Variants in GRAMD4 observed in about 807,000 individuals in gnomAD.
GRAMD4 encodes GRAM domain-containing protein 4.
Under a neutral mutation model 83.9 loss-of-function variants are expected in GRAMD4, and 25 were observed. The ratio of observed to expected loss-of-function variants is 0.30; its 90% CI spans 0.22 to 0.42. The LOEUF (loss-of-function observed/expected upper bound fraction) is 0.42. Ranked by LOEUF, GRAMD4 falls within the 10% of genes least tolerant of loss-of-function variation. GRAMD4 has a pLI of 1.00. For missense variants in GRAMD4, 593 were observed against 788.7 expected (o/e 0.75, Z 2.97); for synonymous variants, 336 against 320.9 (o/e 1.05, Z -0.50).
At chr22:46,643,111 CCATCCATCCATG>C (rs1569283729) in intron 3 of GRAMD4, among the ~76,000 whole-genome samples, 9 of 150,538 alleles carry the variant, frequency 6.0e-5, no homozygotes, top group African/African-American at 2.2e-4. Context: ...ATCCATCCAT[CCATCCATCCATG>C]CATCCATCCA....
At chr22:46,634,344 A>G (rs2057001936) in intron 2 of GRAMD4, among the ~76,000 whole-genome samples, 1 of 152,160 alleles carries the variant, frequency 6.6e-6, no homozygotes, top group African/African-American at 2.4e-5. Flanking sequence ...ATGGAGAGAA[A>G]CTTCTGGAAG....
intron 1 of GRAMD4, among the ~76,000 whole-genome samples, chr22:46,580,307 G>T (rs1419597769): frequency 6.6e-6 from 1 of 152,226 alleles, no homozygotes; most frequent in Admixed American, 6.5e-5. Context: ...TGCTTTCGAA[G>T]GCCTCTGGTT....
At chr22:46,581,065 C>T (rs2046794314) in intron 1 of GRAMD4, among the ~76,000 whole-genome samples, 2 of 151,972 alleles carry the variant, frequency 1.3e-5, no homozygotes, top group South Asian at 2.1e-4. Flanking sequence ...CGGCATGTGG[C>T]AGAGGCCTGG....
upstream of GRAMD4, among the ~76,000 whole-genome samples, chr22:46,617,126 ATGTGTAGGTTCCCCTGTG>A (rs2081512954): frequency 3.0e-3 from 89 of 29,310 alleles, no homozygotes; most frequent in African/African-American, 0.011. Flanking sequence ...AGGTTCCCCC[ATGTGTAGGTTCCCCTGTG>A]TGTGTAGGTT....
intron 13 of GRAMD4, chr22:46,670,982 G>A (rs1358626501): frequency 2.2e-5 from 8 of 361,532 alleles, no homozygotes; most frequent in South Asian, 3.9e-5. Context: ...ACTGGGCAGC[G>A]GTGACCCTGC....
At chr22:46,634,275 G>C (rs1220524170) in intron 2 of GRAMD4, among the ~76,000 whole-genome samples, 1 of 152,194 alleles carries the variant, frequency 6.6e-6, no homozygotes, top group Non-Finnish European at 1.5e-5. Flanking sequence ...TCCTGTCTCT[G>C]ACCTTGCCTT....
At chr22:46,676,711 C>A in intron 18 of GRAMD4, 43 bp downstream of exon 18, 1 of 1,520,496 alleles carries the variant, frequency 6.6e-7, no homozygotes, top group Non-Finnish European at 8.9e-7. Flanking sequence ...GGTGTGGGCC[C>A]AGGGGCCTGA....
At chr22:46,666,894 C>T (rs1318085104) in intron 10 of GRAMD4, 21 bp downstream of exon 10, 25 of 1,529,368 alleles carry the variant, frequency 1.6e-5, no homozygotes, top group Admixed American at 3.8e-5. Context: ...GGAGGGTGCA[C>T]GGTCTCCTCC....
At position 46,661,454 on chromosome 22, in the gene GRAMD4, TGGGCGGGTGGACAGGCAGGC is replaced by T. The variant is rs775778574; in HGVS notation, c.466+23_466+42del. 2 of 1,560,228 alleles carry T rather than the reference TGGGCGGGTGGACAGGCAGGC, an allele frequency of 1.3e-6. No homozygotes were observed. The highest frequency in any genetic ancestry group is 1.8e-6 in the Non-Finnish European group (2 of 1,139,870). On this transcript the variant is annotated intron_variant, in intron 5 of 18. Transcript: ENST00000406902. ...CAGCAATGGAGCAGGTACACCCTGG[TGGGCGGGTGGACAGGCAGGC>T]GGGCGGGTGGGTGGCTGCGCGTCAC...
chr22:46,622,740 C>T lies in GRAMD4; in HGVS notation c.-50+2175C>T, dbSNP rs567784479. 3.3e-4 allele frequency among the ~76,000 whole-genome samples: 50 copies of T among 152,070 alleles called. No homozygotes were observed. Among genetic ancestry groups the T allele is most frequent in the East Asian group, 1.6e-3 (8 of 5,158 alleles). On this transcript the variant is annotated intron_variant, in intron 1 of 18. Transcript: ENST00000406902. The surrounding 1 kb of genome is among the most constrained non-coding windows in gnomAD (Gnocchi z 4.0). ...CATCCTGGCTAACATGGCGAAACTC[C>T]GTCTCTACTAAAAATACAAAAAATT...
At chr22:46,629,440 C>T (rs2081731537) in intron 2 of GRAMD4, among the ~76,000 whole-genome samples, 1 of 152,164 alleles carries the variant, frequency 6.6e-6, no homozygotes, top group Non-Finnish European at 1.5e-5. Context: ...TCCAGGGCTC[C>T]TTTGCGAAGC....
chr22:46,630,997 C>G (rs978179249), intron 2 of GRAMD4, among the ~76,000 whole-genome samples: 1 of 152,170 alleles, frequency 6.6e-6, no homozygotes, highest in Admixed American at 6.5e-5. Flanking sequence ...TGTGCCCCCA[C>G]CCCGGCCTCC....
At chr22:46,648,695 GATGC>G (rs1298489515) in intron 3 of GRAMD4, among the ~76,000 whole-genome samples, 20 of 149,272 alleles carry the variant, frequency 1.3e-4, no homozygotes, top group African/African-American at 4.5e-4. Context: ...TTGATGGATG[GATGC>G]ATGGATGGAT....
At chr22:46,628,878 G>A (rs1416332188) in intron 2 of GRAMD4, among the ~76,000 whole-genome samples, 1 of 152,134 alleles carries the variant, frequency 6.6e-6, no homozygotes, top group African/African-American at 2.4e-5. Context: ...GTGGCAGAGG[G>A]TATGGCGCTA....
chr22:46,577,317 T>C (rs117095143), intron 1 of GRAMD4: 223,180 of 977,606 alleles, frequency 0.23, 26,000 homozygotes, highest in Middle Eastern at 0.3. Flanking sequence ...GACACCCACC[T>C]ACCCCGACCT....
Position 46,664,097 on chromosome 22 carries a change from A to G in GRAMD4, c.697A>G (p.Thr233Ala). The G allele has an allele frequency of 6.2e-7, 1 of 1,612,706 alleles. No individual in the cohort carries two copies. The highest frequency in any genetic ancestry group is 8.5e-7 in the Non-Finnish European group (1 of 1,179,336). The change falls in exon 8 of 19, where the codon ACG becomes GCG. Residue 233 changes from threonine to alanine, a missense_variant. Thr to Ala is a moderately conservative substitution (Grantham distance 58). Coordinates refer to ENST00000406902, the MANE Select transcript of GRAMD4 (RefSeq NM_015124.5). ...SALSDWYSVY[T>A]SAIAFTVYMN... ...CTTATCCGACTGGTACTCCGTCTACACGTCTGCCATTGCCTTCACCGTGAG... is the reference window on the plus strand; with the variant it reads ...CTTATCCGACTGGTACTCCGTCTACGCGTCTGCCATTGCCTTCACCGTGAG...
rs1375880101 is a variant in GRAMD4, at chr22:46,679,141, C to T, written c.*1890C>T. On this transcript the variant is annotated 3_prime_UTR_variant, in exon 19 of 19. Transcript: ENST00000406902. ...CAGTGCCCGCAGACAATGGCCACAC[C>T]TCTCTCCCCAGGGCCCGGCAGTGCC... The T allele has an allele frequency of 2.0e-6, 2 of 985,414 alleles. No individual in the cohort carries two copies. The highest frequency in any genetic ancestry group is 3.5e-5 in the African/African-American group (2 of 57,244). 61.0% of individuals were successfully genotyped at this position (985,414 alleles called of 1,614,324 possible).
intron 3 of GRAMD4, among the ~76,000 whole-genome samples, chr22:46,641,275 G>C (rs2081971859): frequency 6.6e-6 from 1 of 152,166 alleles, no homozygotes; most frequent in African/African-American, 2.4e-5. Flanking sequence ...GTTTCACCAT[G>C]TTGGCCAGGC....
At chr22:46,661,499 C>A in intron 5 of GRAMD4, 57 bp downstream of exon 5, 1 of 1,196,190 alleles carries the variant, frequency 8.4e-7, no homozygotes. Flanking sequence ...CTGCGCGTCA[C>A]CTGCTGGTTC....
Sources: gnomAD v4.1 joint callset for allele counts (sites outside exome capture counted in the v4.1 genomes callset) on GRCh38, gnomAD v4.1.1 for gene constraint, Gnocchi (gnomAD v3.1) non-coding constraint, MANE v1.5 for transcripts, NCBI Gene and HGNC (gene_info 2026-07-23, HGNC 2026-07-21) for gene names.